The following OR3A2 variants were observed in gnomAD, a reference collection of about 807,000 sequenced individuals.
OR3A2 encodes olfactory receptor family 3 subfamily A member 2, also known as olfactory receptor 3A2.
For missense variants in OR3A2, 318 were observed against 392.8 expected (o/e 0.81, Z 1.61); for synonymous variants, 126 against 159.3 (o/e 0.79, Z 1.57).
Position 3,337,015 on chromosome 17 carries a change from G to A in OR3A2, c.-178-889C>T, listed in dbSNP as rs114644254. Among the ~76,000 whole-genome samples, 434 of 152,206 alleles carry A rather than the reference G, an allele frequency of 2.9e-3. 1 individual carries two copies. The highest frequency in any genetic ancestry group is 9.8e-3 in the African/African-American group (408 of 41,528). On this transcript the variant is annotated intron_variant, in intron 2 of 4. Transcript: ENST00000573491. ...TCACCCTAGGTGAGCTATGCACATG[G>A]GTTCCGATATCTGTGTCTAATTTCA...
At chr17:3,287,237 C>A (rs1039484847), upstream of OR3A2, among the ~76,000 whole-genome samples, 24 of 145,884 alleles carry the variant, frequency 1.6e-4, no homozygotes, top group Non-Finnish European at 6.0e-5. Context: ...CCACCCCCCT[C>A]CTACCCACCC....
intron 3 of OR3A2, among the ~76,000 whole-genome samples, chr17:3,331,566 CAGCTCCTTT>C (rs1461605948): frequency 6.6e-6 from 1 of 151,954 alleles, no homozygotes; most frequent in Non-Finnish European, 1.5e-5. Flanking sequence ...TCAGCTCCAT[CAGCTCCTTT>C]AAGCACTTCT....
chr17:3,350,386 C>T (rs1456069399), intron 2 of OR3A2, among the ~76,000 whole-genome samples: 1 of 149,556 alleles, frequency 6.7e-6, no homozygotes. Context: ...AAACTACCAT[C>T]AGAGAATACT....
At position 3,283,445 on chromosome 17, in the gene OR3A2, G is replaced by A. The variant is rs577024619; in HGVS notation, c.-7+913C>T. Among the ~76,000 whole-genome samples, 227 of 152,186 alleles carry A rather than the reference G, an allele frequency of 1.5e-3. 1 individual carries two copies. The highest frequency in any genetic ancestry group is 5.3e-3 in the African/African-American group (219 of 41,516). On this transcript the variant is annotated intron_variant, in intron 1 of 1. Coordinates refer to ENST00000642052, the Ensembl canonical transcript of OR3A2. ...TCTCCATGTTGATCAGGCTGGTCTCGAACTCCTGACCTCAGGTGATCCGCC... is the reference window on the plus strand; with the variant it reads ...TCTCCATGTTGATCAGGCTGGTCTCAAACTCCTGACCTCAGGTGATCCGCC...
intron 3 of OR3A2, among the ~76,000 whole-genome samples, chr17:3,315,304 A>G (rs1405165163): frequency 6.6e-6 from 1 of 152,198 alleles, no homozygotes; most frequent in East Asian, 1.9e-4. Context: ...ATTTCCACCA[A>G]CAACGTAGAA....
chr17:3,333,519 G>T (rs2049255832), intron 3 of OR3A2, among the ~76,000 whole-genome samples: 1 of 152,046 alleles, frequency 6.6e-6, no homozygotes, highest in East Asian at 1.9e-4. Context: ...ATAAAAACTT[G>T]CTGGTTTTGC....
At chr17:3,365,967 G>A (rs2049559403) in intron 2 of OR3A2, among the ~76,000 whole-genome samples, 1 of 152,170 alleles carries the variant, frequency 6.6e-6, no homozygotes. Context: ...TTGAGAATAG[G>A]AAGTCCTTGA....
At chr17:3,358,092 C>T (rs886996639) in intron 2 of OR3A2, among the ~76,000 whole-genome samples, 64 of 151,352 alleles carry the variant, frequency 4.2e-4, no homozygotes, top group Non-Finnish European at 4.4e-5. Context: ...GGCTCATTGG[C>T]CTAGGAGGAC....
chr17:3,287,011 T>A (rs544342947), upstream of OR3A2, among the ~76,000 whole-genome samples: 51 of 152,322 alleles, frequency 3.3e-4, no homozygotes, highest in African/African-American at 8.9e-4. Flanking sequence ...CTGAATGGTA[T>A]TGCCTAGATT....
At chr17:3,338,117 G>T (rs1265343024) in intron 2 of OR3A2, among the ~76,000 whole-genome samples, 2 of 151,932 alleles carry the variant, frequency 1.3e-5, no homozygotes, top group Non-Finnish European at 2.9e-5. Flanking sequence ...TTTTTGATGG[G>T]GTTAATTTTT....
chr17:3,363,670 C>T (rs1223968697), intron 2 of OR3A2, among the ~76,000 whole-genome samples: 1 of 148,072 alleles, frequency 6.8e-6, no homozygotes, highest in Non-Finnish European at 1.5e-5. Flanking sequence ...GCCCACTTCC[C>T]TGGTACCAAT....
intron 2 of OR3A2, among the ~76,000 whole-genome samples, chr17:3,347,523 C>G (rs2049377064): frequency 6.6e-6 from 1 of 152,116 alleles, no homozygotes; most frequent in Admixed American, 6.5e-5. Flanking sequence ...CAATAGTTTA[C>G]TGAGAATGAT....
At chr17:3,328,467 T>C (rs934336516) in intron 3 of OR3A2, among the ~76,000 whole-genome samples, 2 of 129,638 alleles carry the variant, frequency 1.5e-5, no homozygotes, top group Non-Finnish European at 3.2e-5. Flanking sequence ...GCTGACACAA[T>C]GGGGTTTTCT....
chr17:3,305,294 C>T (rs1279045237), intron 3 of OR3A2, among the ~76,000 whole-genome samples: 1 of 152,034 alleles, frequency 6.6e-6, no homozygotes. Flanking sequence ...CTCTGTTAAC[C>T]ACCAATCCAC....
chr17:3,369,806 T>TA (rs1491120536), intron 2 of OR3A2, among the ~76,000 whole-genome samples: 3 of 16,262 alleles, frequency 1.8e-4, no homozygotes, highest in Non-Finnish European at 2.7e-4. Context: ...AGATTGGTAC[T>TA]TTTTTTTTTT....
At chr17:3,291,986 C>T in intron 3 of OR3A2, 1 of 1,614,198 alleles carries the variant, frequency 6.2e-7, no homozygotes, top group African/African-American at 1.3e-5. Context: ...AAAGCAGCAG[C>T]TCATTGAGTT....
intron 3 of OR3A2, chr17:3,291,629 ACCT>A (rs1425940939): frequency 1.3e-6 from 2 of 1,579,790 alleles, no homozygotes; most frequent in African/African-American, 1.4e-5. Context: ...GTCAATTGAG[ACCT>A]CCTCAAGCCA....
At chr17:3,361,882 T>G (rs2049519918) in intron 2 of OR3A2, among the ~76,000 whole-genome samples, 1 of 151,578 alleles carries the variant, frequency 6.6e-6, no homozygotes, top group Non-Finnish European at 1.5e-5. Context: ...ATTCTCTTTT[T>G]TTGTTGTGTC....
chr17:3,339,487 A>T (rs749508127), intron 2 of OR3A2, among the ~76,000 whole-genome samples: 13 of 152,130 alleles, frequency 8.5e-5, no homozygotes, highest in Non-Finnish European at 1.9e-4. Context: ...GCATGAAAGG[A>T]TGTTGAATTT....
Sources: allele counts gnomAD v4.1 joint callset (sites outside exome capture counted in the v4.1 genomes callset), GRCh38; gene constraint gnomAD v4.1.1; transcripts MANE v1.5; gene names NCBI Gene and HGNC (gene_info 2026-07-23, HGNC 2026-07-21).